The following PTN variants were observed in gnomAD, a reference collection of about 807,000 sequenced individuals.
PTN encodes pleiotrophin.
PTN carries 18 observed loss-of-function variants against 24.1 expected under a neutral mutation model. The ratio of observed to expected loss-of-function variants is 0.75; its 90% CI spans 0.52 to 1.11. The LOEUF is 1.11. Ranked by LOEUF, PTN falls within the 50% of genes least tolerant of loss-of-function variation. PTN has a pLI of 0.00. For missense variants in PTN, 163 were observed against 198.8 expected (o/e 0.82, Z 1.08); for synonymous variants, 78 against 68.6 (o/e 1.14, Z -0.67).
At chr7:137,312,517 C>T (rs78264815) in intron 1 of PTN, among the ~76,000 whole-genome samples, 156 of 152,350 alleles carry the variant, frequency 1.0e-3, no homozygotes, top group East Asian at 9.1e-3. Flanking sequence ...TTCTAAGCTA[C>T]GCTTTCTCAG....
At chr7:137,328,601 G>A (rs907386453) in intron 1 of PTN, among the ~76,000 whole-genome samples, 1 of 152,152 alleles carries the variant, frequency 6.6e-6, no homozygotes. Flanking sequence ...GCCTCCCCAA[G>A]GGATAGAACA....
intron 1 of PTN, chr7:137,318,889 A>AAGTAGAGGGCCCTCAAT (rs1442942326): frequency 1.3e-5 from 2 of 152,222 alleles, no homozygotes; most frequent in Non-Finnish European, 2.9e-5. Flanking sequence ...TGCCCTCAAT[A>AAGTAGAGGGCCCTCAAT]AGTAGAATAA....
chr7:137,246,981 A>G (rs1236556532), intron 4 of PTN, among the ~76,000 whole-genome samples: 3 of 152,220 alleles, frequency 2.0e-5, no homozygotes, highest in African/African-American at 7.2e-5. Flanking sequence ...TTTAAGGCTT[A>G]AATTAAATGA....
At position 137,281,729 on chromosome 7, in the gene PTN, A is replaced by T. The variant is rs1486996228; in HGVS notation, c.-1-26755T>A. ...CAACTTCTTCAAATAAGTGCTTAAG[A>T]CACTTTTAAAGATATATATGCACTC... On this transcript the variant is annotated intron_variant, in intron 1 of 4. Coordinates refer to ENST00000348225, the MANE Select transcript of PTN (RefSeq NM_002825.7). Among the ~76,000 whole-genome samples the T allele has an allele frequency of 3.3e-5, 5 of 152,350 alleles. No individual in the cohort carries two copies. The East Asian group carries it at 9.6e-4, about 29-fold the overall frequency.
chr7:137,295,383 AC>A (rs1300329248), intron 1 of PTN, among the ~76,000 whole-genome samples: 1 of 152,076 alleles, frequency 6.6e-6, no homozygotes, highest in Non-Finnish European at 1.5e-5. Context: ...AATATCGAGG[AC>A]TGGGATGTGA....
At chr7:137,278,954 T>TAATAATAATAAG (rs1809417663) in intron 1 of PTN, among the ~76,000 whole-genome samples, 1 of 137,842 alleles carries the variant, frequency 7.3e-6, no homozygotes, top group Non-Finnish European at 1.6e-5. Context: ...ACAATAATAA[T>TAATAATAATAAG]AATAATAATA....
intron 4 of PTN, among the ~76,000 whole-genome samples, chr7:137,230,110 T>A (rs1452771250): frequency 3.3e-5 from 5 of 151,796 alleles, no homozygotes; most frequent in Admixed American, 2.6e-4. Flanking sequence ...ATTTCATACA[T>A]AAGTCTGAGC....
intron 1 of PTN, chr7:137,325,799 G>C (rs1355430719): frequency 1.3e-5 from 2 of 152,204 alleles, no homozygotes; most frequent in Admixed American, 6.5e-5. Flanking sequence ...CTCTGCATGA[G>C]TGAATCAGTG....
At chr7:137,337,947 A>C in intron 1 of PTN, among the ~76,000 whole-genome samples, 1 of 152,156 alleles carries the variant, frequency 6.6e-6, no homozygotes, top group Non-Finnish European at 1.5e-5. Flanking sequence ...TTCTATGCTA[A>C]ATATGCTAGG....
At chr7:137,281,493 G>A (rs1028736200) in intron 1 of PTN, among the ~76,000 whole-genome samples, 21 of 152,170 alleles carry the variant, frequency 1.4e-4, no homozygotes, top group African/African-American at 4.8e-4. Flanking sequence ...GGCCAGTAGC[G>A]TGGACCTCAC....
At chr7:137,247,868 T>C (rs1252211521) in intron 4 of PTN, among the ~76,000 whole-genome samples, 1 of 152,208 alleles carries the variant, frequency 6.6e-6, no homozygotes, top group Non-Finnish European at 1.5e-5. Flanking sequence ...TGGAGGTTAG[T>C]TCATACCCCT....
chr7:137,291,178 G>A (rs1809634175), intron 1 of PTN, among the ~76,000 whole-genome samples: 1 of 152,122 alleles, frequency 6.6e-6, no homozygotes, highest in Non-Finnish European at 1.5e-5. Flanking sequence ...AAGTACATAA[G>A]TGTACATACA....
At chr7:137,239,056 A>G (rs1167962045) in intron 4 of PTN, among the ~76,000 whole-genome samples, 1 of 152,216 alleles carries the variant, frequency 6.6e-6, no homozygotes, top group African/African-American at 2.4e-5. Context: ...GAATGTGCCC[A>G]GGGAGATGAA....
At chr7:137,285,772 A>G (rs1387775797) in intron 1 of PTN, among the ~76,000 whole-genome samples, 2 of 152,278 alleles carry the variant, frequency 1.3e-5, no homozygotes, top group Non-Finnish European at 2.9e-5. Flanking sequence ...CAGCAACTTC[A>G]TGTATCTAGA....
In PTN at chr7:137,322,525, G is replaced by GT. The variant is rs138618151; in HGVS notation, c.-2+20913dup. The stretch of plus-strand genomic sequence containing the variant: ...CTTAATTATCAATAGGAAAATTATG[G>GT]TTTTTTTTATGACCTATCATTAAAA... On this transcript the variant is annotated intron_variant, in intron 1 of 4. Coordinates refer to ENST00000348225, the MANE Select transcript of PTN (RefSeq NM_002825.7). Among the ~76,000 whole-genome samples, 1,027 of 151,632 alleles carry GT rather than the reference G, an allele frequency of 6.8e-3. 9 individuals carry two copies. The highest frequency in any genetic ancestry group is 0.024 in the African/African-American group (975 of 41,304).
chr7:137,251,438 G>C, intron 3 of PTN, 47 bp from the exon 4 acceptor site: 1 of 1,579,936 alleles, frequency 6.3e-7, no homozygotes, highest in Non-Finnish European at 8.7e-7. Context: ...AGATCCTATC[G>C]TACTTCCAGG....
chr7:137,312,449 T>C (rs906637621), intron 1 of PTN, among the ~76,000 whole-genome samples: 4 of 152,324 alleles, frequency 2.6e-5, no homozygotes, highest in African/African-American at 9.6e-5. Context: ...CTGTTGACAA[T>C]TTGCCTGGGT....
chr7:137,278,302 G>A (rs1405093197), intron 1 of PTN, among the ~76,000 whole-genome samples: 147 of 41,692 alleles, frequency 3.5e-3, no homozygotes, highest in Non-Finnish European at 5.2e-3. Context: ...GCGAGACTCC[G>A]TCTCAAAAAA....
At position 137,245,438 on chromosome 7, in the gene PTN, G is replaced by A. The variant is rs575722326; in HGVS notation, c.451+5792C>T. ...AGCACATTACTCACATGTCTGTGGT[G>A]ATGCGGATGTAAATAAACTTACTGC... On this transcript the variant is annotated intron_variant, in intron 4 of 4. Coordinates refer to ENST00000348225, the MANE Select transcript of PTN (RefSeq NM_002825.7). Among the ~76,000 whole-genome samples the A allele has an allele frequency of 2.0e-4, 31 of 152,318 alleles. No homozygotes were observed. In the South Asian group the frequency reaches 6.0e-3, roughly 30 times the overall value.
Sources: allele counts gnomAD v4.1 joint callset (sites outside exome capture counted in the v4.1 genomes callset), GRCh38; gene constraint gnomAD v4.1.1; transcripts MANE v1.5; gene names NCBI Gene and HGNC (gene_info 2026-07-23, HGNC 2026-07-21).